Variants in ABTB3 observed in about 807,000 individuals in gnomAD.
The protein encoded by ABTB3 is ankyrin repeat- and BTB/POZ domain-containing protein 3.
chr12:107,612,587 C>T, the ABTB3 span, among the ~76,000 whole-genome samples: 5 of 152,224 alleles, frequency 3.3e-5, no homozygotes, highest in Admixed American at 6.5e-5. Context: ...GAGGCTCCTT[C>T]GTCGCCTCTA....
At chr12:107,620,691 G>C in the ABTB3 span, among the ~76,000 whole-genome samples, 2 of 152,268 alleles carry the variant, frequency 1.3e-5, no homozygotes, top group East Asian at 1.9e-4. Flanking sequence ...CTGGGAGAAG[G>C]CTTTTCCGGT....
chr12:107,626,261 A>T, the ABTB3 span, among the ~76,000 whole-genome samples: 5 of 151,810 alleles, frequency 3.3e-5, no homozygotes, highest in African/African-American at 1.2e-4. Flanking sequence ...GTTAGGGAAA[A>T]GTATGTCTAT....
the ABTB3 span, among the ~76,000 whole-genome samples, chr12:107,505,747 C>T: frequency 6.6e-6 from 1 of 152,150 alleles, no homozygotes; most frequent in East Asian, 1.9e-4. Flanking sequence ...CATGTGTTCT[C>T]ATCACTTAGC....
chr12:107,636,919 A>G, the ABTB3 span, among the ~76,000 whole-genome samples: 1 of 152,222 alleles, frequency 6.6e-6, no homozygotes, highest in South Asian at 2.1e-4. Flanking sequence ...AGCTACAGGA[A>G]GGGAGGGAAC....
chr12:107,621,696 G>T, the ABTB3 span, among the ~76,000 whole-genome samples: 1 of 152,128 alleles, frequency 6.6e-6, no homozygotes, highest in East Asian at 1.9e-4. Flanking sequence ...AATGGAACAC[G>T]ACTAGCACCC....
At chr12:107,556,276 A>G in the ABTB3 span, among the ~76,000 whole-genome samples, 2 of 151,938 alleles carry the variant, frequency 1.3e-5, no homozygotes, top group Non-Finnish European at 2.9e-5. Context: ...TTGTATTTTT[A>G]GTAGAGACAG....
At chr12:107,657,860 T>C in the ABTB3 span, 26 of 799,052 alleles carry the variant, frequency 3.3e-5, no homozygotes, top group East Asian at 6.9e-4. Context: ...CGTGTTCCTG[T>C]TGAAAAACAA....
chr12:107,618,151 T>C, the ABTB3 span: 1 of 1,613,178 alleles, frequency 6.2e-7, no homozygotes, highest in Non-Finnish European at 8.5e-7. Context: ...GGGTTTATGA[T>C]TGACAGGAAT....
At chr12:107,607,078 G>C in the ABTB3 span, among the ~76,000 whole-genome samples, 1 of 152,188 alleles carries the variant, frequency 6.6e-6, no homozygotes, top group Non-Finnish European at 1.5e-5. Flanking sequence ...TTACATTCTG[G>C]AAGGATCCAT....
the ABTB3 span, among the ~76,000 whole-genome samples, chr12:107,477,385 C>T: frequency 1.9e-4 from 29 of 152,112 alleles, no homozygotes; most frequent in African/African-American, 5.3e-4. Flanking sequence ...TGGGAGGCCA[C>T]GTGGGTTCGC....
the ABTB3 span, among the ~76,000 whole-genome samples, chr12:107,343,313 C>G: frequency 1.3e-5 from 2 of 152,186 alleles, no homozygotes; most frequent in Non-Finnish European, 2.9e-5. Flanking sequence ...CATGTCTGAC[C>G]TCTTCCAGTT....
chr12:107,592,656 C>A, the ABTB3 span, among the ~76,000 whole-genome samples: 2 of 152,328 alleles, frequency 1.3e-5, no homozygotes, highest in South Asian at 2.1e-4. Context: ...GCTAACACTT[C>A]TATAAAGTTC....
chr12:107,579,513 G>A, the ABTB3 span, among the ~76,000 whole-genome samples: 6 of 152,166 alleles, frequency 3.9e-5, no homozygotes, highest in East Asian at 9.6e-4. Flanking sequence ...GCATTCAGAT[G>A]AGACCATGAA....
the ABTB3 span, among the ~76,000 whole-genome samples, chr12:107,396,429 A>G: frequency 1.3e-5 from 2 of 152,304 alleles, no homozygotes; most frequent in South Asian, 2.1e-4. Flanking sequence ...CAATGGAGAC[A>G]CTTCTTGGAG....
chr12:107,609,990 A>G, the ABTB3 span: 1 of 615,226 alleles, frequency 1.6e-6, no homozygotes, highest in Non-Finnish European at 2.8e-6. Flanking sequence ...GGGAGCACAC[A>G]GGAGACTAGA....
the ABTB3 span, among the ~76,000 whole-genome samples, chr12:107,591,580 A>AG: frequency 2.6e-5 from 4 of 152,196 alleles, no homozygotes; most frequent in Non-Finnish European, 5.9e-5. Flanking sequence ...CCTCCAACAC[A>AG]GGGAATTACA....
chr12:107,598,176 C>T, the ABTB3 span, among the ~76,000 whole-genome samples: 5 of 152,232 alleles, frequency 3.3e-5, no homozygotes, highest in Non-Finnish European at 7.3e-5. Flanking sequence ...GTTTAACAAT[C>T]ATCTGTCCCA....
the ABTB3 span, among the ~76,000 whole-genome samples, chr12:107,633,145 T>C: frequency 3.3e-5 from 5 of 152,128 alleles, no homozygotes; most frequent in Non-Finnish European, 7.4e-5. Flanking sequence ...AATGTTGAAG[T>C]CCTAACCCCC....
At chr12:107,351,886 C>A in the ABTB3 span, among the ~76,000 whole-genome samples, 5 of 152,172 alleles carry the variant, frequency 3.3e-5, no homozygotes, top group African/African-American at 1.2e-4. Context: ...TCTAAGGCAT[C>A]ATTTTCCTCA....
Sources: gnomAD v4.1 joint callset for allele counts (sites outside exome capture counted in the v4.1 genomes callset) on GRCh38, gnomAD v4.1.1 for gene constraint, MANE v1.5 for transcripts, NCBI Gene and HGNC (gene_info 2026-07-23, HGNC 2026-07-21) for gene names.